EPG5: variants seen among roughly 807,000 people sequenced by gnomAD.
EPG5 encodes the protein ectopic P granules protein 5 homolog.
Under a neutral mutation model 302.7 loss-of-function variants are expected in EPG5, and 159 were observed. The ratio of observed to expected loss-of-function variants is 0.53; its 90% confidence interval spans 0.46 to 0.60. The LOEUF is 0.60. Ranked by LOEUF, EPG5 falls within the 20% of genes least tolerant of loss-of-function variation. The pLI, the probability that EPG5 is intolerant of heterozygous loss-of-function variation, is 0.00. For missense variants in EPG5, 2,896 were observed against 3,092.4 expected (o/e 0.94, Z 1.51); for synonymous variants, 1,158 against 1,136.8 (o/e 1.02, Z -0.37).
chr18:45,915,953 A>G, intron 19 of EPG5, 56 bp downstream of exon 19: 1 of 1,464,242 alleles, frequency 6.8e-7, no homozygotes, highest in Non-Finnish European at 9.2e-7. Flanking sequence ...ATCTTTTTAG[A>G]AAGCTACTTT....
At chr18:45,896,098 G>C (rs1210121013) in intron 27 of EPG5, among the ~76,000 whole-genome samples, 1 of 152,216 alleles carries the variant, frequency 6.6e-6, no homozygotes, top group Non-Finnish European at 1.5e-5. Context: ...TCAAGTCCTA[G>C]AAGTATCAAC....
chr18:45,811,461 C>CA, the EPG5 span, among the ~76,000 whole-genome samples: 34 of 151,870 alleles, frequency 2.2e-4, no homozygotes, highest in African/African-American at 8.0e-4. Flanking sequence ...CACACACACA[C>CA]AAAAAAGAGA....
chr18:45,858,192 G>A (rs2048557577), intron 41 of EPG5, 124 bp from the exon 42 acceptor site: 2 of 683,590 alleles, frequency 2.9e-6, no homozygotes, highest in Non-Finnish European at 5.0e-6. Flanking sequence ...ACAGGCTAAC[G>A]GCTGATGTTA....
chr18:45,890,841 G>A (rs142752061), intron 27 of EPG5, among the ~76,000 whole-genome samples: 2 of 152,322 alleles, frequency 1.3e-5, no homozygotes, highest in East Asian at 1.9e-4. Context: ...CAGGAAGGAG[G>A]AGCCTGGCCA....
intron 13 of EPG5, among the ~76,000 whole-genome samples, chr18:45,927,633 C>CACAT (rs1555676803): frequency 6.6e-6 from 1 of 151,262 alleles, no homozygotes; most frequent in Non-Finnish European, 1.5e-5. Flanking sequence ...CACACACACA[C>CACAT]GCACCAAGGA....
At position 45,852,374 on chromosome 18, in the gene EPG5, C is replaced by T; in HGVS notation, c.*93G>A. On this transcript the variant is annotated 3_prime_UTR_variant, in exon 44 of 44. Coordinates refer to ENST00000282041, the MANE Select transcript of EPG5 (RefSeq NM_020964.3). The stretch of plus-strand genomic sequence containing the variant: ...TCAACTACACATTGGCCAAACTGAG[C>T]TCTACAGTGCAATTGAGCAAAGTTA... 1 of 1,185,524 alleles carries T rather than the reference C, an allele frequency of 8.4e-7. No individual in the cohort carries two copies. 73.4% of individuals were successfully genotyped at this position (1,185,524 alleles called of 1,614,324 possible). A position where few individuals can be genotyped will look rare whatever the true frequency, so the allele number is the denominator to read the frequency against.
intron 26 of EPG5, 127 bp downstream of exon 26, chr18:45,900,868 TG>T: frequency 1.1e-6 from 1 of 904,888 alleles, no homozygotes; most frequent in Non-Finnish European, 1.7e-6. Flanking sequence ...GTGAACCGTC[TG>T]GGCCAGGTTG....
chr18:45,913,702 G>A lies in EPG5; in HGVS notation c.3816+4C>T. ...CCACTCAAATGCAGAACTGCTATTT[G>A]TACCTTCAGAGCTTGGTCAGGGGTG... On this transcript the variant is annotated splice_donor_region_variant and intron_variant, in intron 21 of 43. Transcript: ENST00000282041. 1 of 1,613,964 alleles carries A rather than the reference G, an allele frequency of 6.2e-7. No individual in the cohort carries two copies. Among genetic ancestry groups the A allele is most frequent in the Non-Finnish European group, 8.5e-7 (1 of 1,179,924 alleles).
the EPG5 span, chr18:45,842,090 T>C: frequency 6.2e-7 from 1 of 1,613,698 alleles, no homozygotes; most frequent in Non-Finnish European, 8.5e-7. Flanking sequence ...ATCATTCAAC[T>C]TTCTCCTGTC....
intron 26 of EPG5, 94 bp downstream of exon 26, chr18:45,900,902 A>T: frequency 7.2e-7 from 1 of 1,390,278 alleles, no homozygotes; most frequent in Non-Finnish European, 9.8e-7. Context: ...TCATTGTAAA[A>T]ATGCTGACAA....
chr18:45,833,191 G>C, the EPG5 span, among the ~76,000 whole-genome samples: 1 of 152,122 alleles, frequency 6.6e-6, no homozygotes, highest in Admixed American at 6.5e-5. Context: ...AACTACCCAG[G>C]GTTAAGCCTT....
At chr18:45,881,982 A>T (rs1229167696) in intron 31 of EPG5, among the ~76,000 whole-genome samples, 2 of 152,158 alleles carry the variant, frequency 1.3e-5, no homozygotes, top group African/African-American at 2.4e-5. Context: ...CCACTTCAAG[A>T]CAGCTGAAAA....
intron 24 of EPG5, 64 bp from the exon 25 acceptor site, chr18:45,904,181 GTATTTA>G: frequency 6.5e-7 from 1 of 1,546,538 alleles, no homozygotes; most frequent in Non-Finnish European, 8.7e-7. Context: ...ATAAAACTAT[GTATTTA>G]ACTATAAAGT....
At chr18:45,937,801 G>A (rs868460233) in intron 10 of EPG5, among the ~76,000 whole-genome samples, 1 of 152,052 alleles carries the variant, frequency 6.6e-6, no homozygotes, top group African/African-American at 2.4e-5. Flanking sequence ...TTTGAGTGCC[G>A]AATAAATTTA....
At chr18:45,821,907 A>G in the EPG5 span, among the ~76,000 whole-genome samples, 1 of 152,324 alleles carries the variant, frequency 6.6e-6, no homozygotes, top group East Asian at 1.9e-4. Flanking sequence ...CCACAATGAG[A>G]TATCACCTCA....
At chr18:45,937,269 CACACACACAT>C (rs1369716228) in intron 10 of EPG5, among the ~76,000 whole-genome samples, 4 of 148,560 alleles carry the variant, frequency 2.7e-5, no homozygotes, top group African/African-American at 1.0e-4. Flanking sequence ...CACACACACA[CACACACACAT>C]ATGTATACAC....
At chr18:45,933,602 C>T (rs1348730521) in intron 11 of EPG5, among the ~76,000 whole-genome samples, 1 of 151,040 alleles carries the variant, frequency 6.6e-6, no homozygotes, top group Admixed American at 6.6e-5. Context: ...CACTTGAGCC[C>T]GGGAGATGGA....
At chr18:45,803,688 C>A in the EPG5 span, among the ~76,000 whole-genome samples, 1 of 152,014 alleles carries the variant, frequency 6.6e-6, no homozygotes, top group Non-Finnish European at 1.5e-5. Flanking sequence ...CCCCAAACAC[C>A]CATGTACAGC....
chr18:45,893,095 G>T (rs1489838206), intron 27 of EPG5, among the ~76,000 whole-genome samples: 1 of 152,160 alleles, frequency 6.6e-6, no homozygotes, highest in Non-Finnish European at 1.5e-5. Context: ...AGAAGCTGCA[G>T]CTGAAACAGC....
Sources: gnomAD v4.1 joint callset for allele counts (sites outside exome capture counted in the v4.1 genomes callset) on GRCh38, gnomAD v4.1.1 for gene constraint, MANE v1.5 for transcripts, NCBI Gene and HGNC (gene_info 2026-07-23, HGNC 2026-07-21) for gene names.